Variants in CFAP61 observed in about 807,000 individuals in gnomAD.
CFAP61 encodes cilia and flagella associated protein 61.
A neutral mutation model predicts 135.6 loss-of-function variants in CFAP61; 107 were observed. That is an observed-to-expected ratio of 0.79 (90% CI 0.67 to 0.93). The LOEUF (loss-of-function observed/expected upper bound fraction) is 0.93. CFAP61 is among the 40% of genes least tolerant of loss of function. The pLI is 0.00. For synonymous variants in CFAP61, 575 were observed against 578.5 expected (o/e 0.99, Z 0.09); for missense variants, 1,507 against 1,556.2 (o/e 0.97, Z 0.53).
chr20:20,191,787 C>CGT (rs145207907), intron 15 of CFAP61, among the ~76,000 whole-genome samples: 10,489 of 151,008 alleles, frequency 0.069, 1,175 homozygotes, highest in East Asian at 0.56. Context: ...TTACATATAT[C>CGT]GTGTGTGTGT....
intron 8 of CFAP61, among the ~76,000 whole-genome samples, chr20:20,123,971 GTTT>G (rs35528584): frequency 6.0e-4 from 39 of 65,258 alleles, no homozygotes; most frequent in East Asian, 3.7e-3. Context: ...ATATTCCTAA[GTTT>G]TTTTTTTTTT....
chr20:20,273,706 A>C (rs2424312), intron 21 of CFAP61, among the ~76,000 whole-genome samples: 16,279 of 152,286 alleles, frequency 0.11, 920 homozygotes, highest in Non-Finnish European at 0.12. Context: ...GGGTAGGGCA[A>C]ACATGGACCT....
rs546579543 is a variant in CFAP61, at chr20:20,185,238, A to G, written c.1386-2692A>G. ...CATAAAAGAGGTTAAGAACACCTCTATTACTGGGAATTTGAGTATAAGAGT... is the reference window on the plus strand; with the variant it reads ...CATAAAAGAGGTTAAGAACACCTCTGTTACTGGGAATTTGAGTATAAGAGT... On this transcript the variant is annotated intron_variant, in intron 13 of 26. Coordinates refer to ENST00000245957, the MANE Select transcript of CFAP61 (RefSeq NM_015585.4). Among the ~76,000 whole-genome samples, 21 of 152,362 alleles carry G rather than the reference A, an allele frequency of 1.4e-4. 1 individual carries two copies. The South Asian group carries it at 4.1e-3, about 30-fold the overall frequency.
At chr20:20,289,832 A>G (rs967503416) in intron 23 of CFAP61, among the ~76,000 whole-genome samples, 2 of 152,376 alleles carry the variant, frequency 1.3e-5, no homozygotes, top group Non-Finnish European at 2.9e-5. Context: ...ACAAACCAAA[A>G]TATTAAGAAT....
chr20:20,197,262 C>A (rs531805558), intron 16 of CFAP61, among the ~76,000 whole-genome samples: 1 of 152,300 alleles, frequency 6.6e-6, no homozygotes, highest in Admixed American at 6.5e-5. Flanking sequence ...TGCGGAGATG[C>A]CTGATGCCGA....
At chr20:20,167,764 T>A (rs986847291) in intron 12 of CFAP61, among the ~76,000 whole-genome samples, 2 of 152,182 alleles carry the variant, frequency 1.3e-5, no homozygotes, top group African/African-American at 4.8e-5. Context: ...GAAGGTAAGG[T>A]CAGACAATGG....
chr20:20,062,318 A>C (rs2044867113), intron 2 of CFAP61, among the ~76,000 whole-genome samples: 2 of 152,226 alleles, frequency 1.3e-5, no homozygotes, highest in African/African-American at 4.8e-5. Flanking sequence ...TGAGCAAATA[A>C]AACAGAGTAG....
At position 20,056,741 on chromosome 20, in the gene CFAP61, C is replaced by A. The variant is rs1321026401; in HGVS notation, c.88C>A (p.Leu30Ile). ...ESQDVYCIKS[L>I]IRKFTCKLFG... ...ACAGGATGTTTATTGTATCAAAAGC[C>A]TTATTAGAAAATTTACCTGCAAGCT... Residue 30 changes from leucine to isoleucine, a missense_variant, in exon 2 of 27, where the codon CTT becomes ATT. Physicochemically the swap from Leu to Ile is conservative, Grantham distance 5. Transcript: ENST00000245957. The A allele has an allele frequency of 2.5e-6, 4 of 1,613,964 alleles. No individual in the cohort carries two copies. Among genetic ancestry groups the A allele is most frequent in the Non-Finnish European group, 2.5e-6 (3 of 1,179,870 alleles).
At chr20:20,325,110 A>T (rs1467839318) in intron 25 of CFAP61, among the ~76,000 whole-genome samples, 1 of 152,184 alleles carries the variant, frequency 6.6e-6, no homozygotes, top group Non-Finnish European at 1.5e-5. Flanking sequence ...CCTCTCTGTA[A>T]GAAGAAAGTA....
At chr20:20,280,333 C>G (rs1401861833) in intron 22 of CFAP61, among the ~76,000 whole-genome samples, 1 of 152,152 alleles carries the variant, frequency 6.6e-6, no homozygotes, top group African/African-American at 2.4e-5. Flanking sequence ...AAGCCTTCTT[C>G]CCTAGAGCCT....
chr20:20,298,498 G>A (rs2055815306), intron 25 of CFAP61, 112 bp downstream of exon 25: 1 of 853,788 alleles, frequency 1.2e-6, no homozygotes, highest in Non-Finnish European at 1.8e-6. Flanking sequence ...ATCCCAGAGA[G>A]AGGCTGTGTG....
At chr20:20,271,363 A>G (rs1020569289) in intron 21 of CFAP61, among the ~76,000 whole-genome samples, 1 of 152,204 alleles carries the variant, frequency 6.6e-6, no homozygotes, top group African/African-American at 2.4e-5. Flanking sequence ...GGCAAGTGCT[A>G]GTTCCCTTCA....
At chr20:20,071,177 A>T (rs550261745) in intron 3 of CFAP61, among the ~76,000 whole-genome samples, 173 bp downstream of exon 3, 1 of 152,074 alleles carries the variant, frequency 6.6e-6, no homozygotes, top group Non-Finnish European at 1.5e-5. Flanking sequence ...GCCAGGGGGG[A>T]TAGGAAAGGG....
intron 18 of CFAP61, among the ~76,000 whole-genome samples, chr20:20,230,578 G>A (rs2146950738): frequency 6.6e-6 from 1 of 152,220 alleles, no homozygotes; most frequent in African/African-American, 2.4e-5. Flanking sequence ...TTTTGAGACA[G>A]AGTCTCACTC....
chr20:20,055,294 A>G (rs1005254607), intron 1 of CFAP61, among the ~76,000 whole-genome samples: 1 of 152,210 alleles, frequency 6.6e-6, no homozygotes, highest in African/African-American at 2.4e-5. Flanking sequence ...GATTGTGTGG[A>G]CTAGAATGCC....
chr20:20,196,877 A>T, intron 16 of CFAP61, 101 bp downstream of exon 16: 1 of 1,023,332 alleles, frequency 9.8e-7, no homozygotes, highest in Admixed American at 1.9e-5. Context: ...ATGGGTTTTG[A>T]TGATAACATG....
At chr20:20,174,970 G>A (rs892380896) in intron 13 of CFAP61, among the ~76,000 whole-genome samples, 10 of 152,288 alleles carry the variant, frequency 6.6e-5, no homozygotes, top group Admixed American at 2.6e-4. Context: ...TTTAAGTGCC[G>A]AGATGTTTCC....
chr20:20,144,825 CAG>C (rs1264281251), intron 9 of CFAP61, among the ~76,000 whole-genome samples: 2 of 151,914 alleles, frequency 1.3e-5, no homozygotes, highest in Non-Finnish European at 2.9e-5. Context: ...ATATGAATAA[CAG>C]GGGATTTCTT....
rs2051768346 is a variant in CFAP61 at position 20,145,141 on chromosome 20, A to G, written c.951+2193A>G. On this transcript the variant is annotated intron_variant, in intron 9 of 26. Transcript: ENST00000245957. ...AAAGTGGGTAAATATATAAGATTTT[A>G]TCCTTAATATTTATATCTTTTTAAA... is the stretch of plus-strand genomic sequence containing the variant. Among the ~76,000 whole-genome samples, 5 of 152,316 alleles carry G rather than the reference A, an allele frequency of 3.3e-5. No homozygotes were observed. In the South Asian group the frequency reaches 1.0e-3, roughly 32 times the overall value.
Sources: gnomAD v4.1 joint callset for allele counts (sites outside exome capture counted in the v4.1 genomes callset) on GRCh38, gnomAD v4.1.1 for gene constraint, MANE v1.5 for transcripts, NCBI Gene and HGNC (gene_info 2026-07-23, HGNC 2026-07-21) for gene names.